LRP1B: variants seen among roughly 807,000 people sequenced by gnomAD.
LRP1B encodes LDL receptor related protein 1B, also known as low-density lipoprotein receptor-related protein 1B.
A neutral mutation model predicts 556.6 loss-of-function variants in LRP1B; 217 were observed. The ratio of observed to expected loss-of-function variants is 0.39; its 90% confidence interval spans 0.35 to 0.44. LRP1B has a LOEUF of 0.44. LRP1B is among the 20% of genes least tolerant of loss of function. The pLI is 1.00. For synonymous variants in LRP1B, 2,047 were observed against 1,865.8 expected (o/e 1.10, Z -2.50); for missense variants, 5,053 against 5,620.8 (o/e 0.90, Z 3.23).
At chr2:141,049,344 C>G (rs1261471662) in intron 10 of LRP1B, 122 bp from the exon 11 acceptor site, 1 of 685,070 alleles carries the variant, frequency 1.5e-6, no homozygotes, top group Non-Finnish European at 2.6e-6. Context: ...AAATTAAACT[C>G]TAAAATATGC....
intron 2 of LRP1B, among the ~76,000 whole-genome samples, chr2:141,636,185 A>C (rs1045280501): frequency 2.6e-5 from 4 of 152,186 alleles, no homozygotes; most frequent in Non-Finnish European, 5.9e-5. Context: ...CATAAAAATA[A>C]GCAACAGGTA....
intron 35 of LRP1B, among the ~76,000 whole-genome samples, chr2:140,740,133 G>T (rs1225352361): frequency 6.6e-6 from 1 of 152,114 alleles, no homozygotes; most frequent in Non-Finnish European, 1.5e-5. Context: ...AAAAAACTAA[G>T]TAGAACTACC....
rs375055324 is a variant in LRP1B at position 140,444,382 on chromosome 2, T to G, written c.10242A>C (p.Leu3414Phe). 4.3e-6 allele frequency: 7 copies of G among 1,613,776 alleles called. No homozygotes were observed. In the African/African-American group the frequency reaches 6.7e-5, roughly 15 times the overall value. The change falls in exon 65 of 91, where the codon TTA becomes TTC. Residue 3414 changes from leucine (L) to phenylalanine (F), a missense_variant. Physicochemically the swap from Leu to Phe is conservative, Grantham distance 22. Coordinates refer to ENST00000389484, the MANE Select transcript of LRP1B (RefSeq NM_018557.3). ...CACAGTCATCTTGCCCATTACATCTTAAGTTTACTGGGATACATTTCTGGT... is the reference window on the plus strand; with the variant it reads ...CACAGTCATCTTGCCCATTACATCTGAAGTTTACTGGGATACATTTCTGGT... ...TKNQKCIPVNLRCNGQDDCGD... is the reference protein window; with the variant it reads ...TKNQKCIPVNFRCNGQDDCGD...
chr2:140,961,477 A>T (rs1392043335), intron 18 of LRP1B, among the ~76,000 whole-genome samples: 1 of 152,086 alleles, frequency 6.6e-6, no homozygotes, highest in East Asian at 1.9e-4. Context: ...AACACAAATG[A>T]TTGACATATA....
intron 18 of LRP1B, among the ~76,000 whole-genome samples, chr2:140,963,087 A>T (rs1214556209): frequency 6.6e-6 from 1 of 152,212 alleles, no homozygotes; most frequent in East Asian, 1.9e-4. Flanking sequence ...TATTGGTTAC[A>T]TCTTAGGCAA....
intron 2 of LRP1B, among the ~76,000 whole-genome samples, chr2:141,619,873 C>T (rs549889978): frequency 1.3e-5 from 2 of 152,296 alleles, no homozygotes; most frequent in Admixed American, 1.3e-4. Context: ...CTAAAACCAT[C>T]CTACGAGCAG....
chr2:142,019,745 T>C (rs1703274763), intron 1 of LRP1B, among the ~76,000 whole-genome samples: 1 of 152,152 alleles, frequency 6.6e-6, no homozygotes, highest in South Asian at 2.1e-4. Context: ...GGATGACCAT[T>C]GACTTCCACC....
At chr2:140,672,254 A>G (rs1454276566) in intron 41 of LRP1B, among the ~76,000 whole-genome samples, 1 of 152,066 alleles carries the variant, frequency 6.6e-6, no homozygotes, top group Non-Finnish European at 1.5e-5. Flanking sequence ...TTGGGAGGCC[A>G]AGGCGGCGGG....
In LRP1B at chr2:142,030,817, T is replaced by C. The variant is rs550811273; in HGVS notation, c.82+99831A>G. Among the ~76,000 whole-genome samples the C allele has an allele frequency of 1.1e-4, 16 of 151,954 alleles. No homozygotes were observed. The South Asian group carries it at 3.1e-3, about 30-fold the overall frequency. On this transcript the variant is annotated intron_variant, in intron 1 of 90. Transcript: ENST00000389484. ...TTGGTTATGTTAGTTATTTTGAAAT[T>C]GGGGCTGGTTGTTCTAACTGTTTAG...
intron 3 of LRP1B, among the ~76,000 whole-genome samples, chr2:141,336,981 GA>G (rs1290462249): frequency 6.6e-6 from 1 of 152,102 alleles, no homozygotes; most frequent in East Asian, 1.9e-4. Flanking sequence ...TGTTAGTTAT[GA>G]GTACAGTTAC....
intron 3 of LRP1B, among the ~76,000 whole-genome samples, chr2:141,414,279 G>A (rs2104949240): frequency 6.8e-6 from 1 of 148,064 alleles, no homozygotes; most frequent in East Asian, 2.0e-4. Flanking sequence ...GAGGGAGGGA[G>A]GGGGAGAGGG....
At chr2:142,075,912 A>G (rs1277217788) in intron 1 of LRP1B, among the ~76,000 whole-genome samples, 2 of 152,128 alleles carry the variant, frequency 1.3e-5, no homozygotes, top group South Asian at 2.1e-4. Context: ...GTCTGAATCA[A>G]ATTTCAGTCT....
chr2:140,502,254 A>G (rs747829524), intron 54 of LRP1B, among the ~76,000 whole-genome samples: 5 of 152,056 alleles, frequency 3.3e-5, no homozygotes, highest in Non-Finnish European at 5.9e-5. Context: ...ACTAAAAACT[A>G]AGAATCTAGA....
chr2:141,822,790 G>C (rs1009106647), intron 1 of LRP1B, among the ~76,000 whole-genome samples: 5 of 152,214 alleles, frequency 3.3e-5, no homozygotes, highest in African/African-American at 1.2e-4. Context: ...ACCAAAGTAG[G>C]CACTAAGAAT....
chr2:141,274,270 T>G (rs1291940368), intron 3 of LRP1B, among the ~76,000 whole-genome samples: 1 of 152,136 alleles, frequency 6.6e-6, no homozygotes, highest in Non-Finnish European at 1.5e-5. Context: ...CATAGCAGAG[T>G]TACTTACAGT....
intron 31 of LRP1B, among the ~76,000 whole-genome samples, chr2:140,834,330 G>A (rs1299800431): frequency 6.6e-6 from 1 of 152,074 alleles, no homozygotes; most frequent in African/African-American, 2.4e-5. Flanking sequence ...ACCTCTGCCT[G>A]CTGAGTTCAA....
rs1558805014 is a variant in LRP1B, at chr2:140,327,999, G to GCTTT, written c.12224-2122_12224-2121insAAAG. 3.3e-5 allele frequency among the ~76,000 whole-genome samples: 5 copies of GCTTT among 152,034 alleles called. No individual in the cohort carries two copies. The East Asian group carries it at 7.7e-4, about 24-fold the overall frequency. ...AAGAGATAGTCTTCTAAATTAAAAA[G>GCTTT]TTAATAAAGGAATCAACTAACTTTT... On this transcript the variant is annotated intron_variant, in intron 79 of 90. Coordinates refer to ENST00000389484, the MANE Select transcript of LRP1B (RefSeq NM_018557.3).
chr2:141,650,069 A>T (rs1433926236), intron 2 of LRP1B, among the ~76,000 whole-genome samples: 2 of 152,160 alleles, frequency 1.3e-5, no homozygotes, highest in Non-Finnish European at 2.9e-5. Flanking sequence ...AATCCCAGCT[A>T]GTTGGGGGGC....
chr2:140,261,057 G>GTATATATA (rs35806990), intron 86 of LRP1B, among the ~76,000 whole-genome samples: 1 of 149,494 alleles, frequency 6.7e-6, no homozygotes, highest in African/African-American at 2.5e-5. Context: ...ATATGTGTGT[G>GTATATATA]TATATATATA....
Sources: gnomAD v4.1 joint callset for allele counts (sites outside exome capture counted in the v4.1 genomes callset) on GRCh38, gnomAD v4.1.1 for gene constraint, MANE v1.5 for transcripts, NCBI Gene and HGNC (gene_info 2026-07-23, HGNC 2026-07-21) for gene names.